The following RORA variants were observed in gnomAD, a reference collection of about 807,000 sequenced individuals.
RORA encodes the protein nuclear receptor ROR-alpha.
Under a neutral mutation model 69.5 loss-of-function variants are expected in RORA, and 7 were observed. That is an observed-to-expected ratio of 0.10 (90% CI 0.06 to 0.19). The LOEUF (loss-of-function observed/expected upper bound fraction) is 0.19. RORA is among the 10% of genes least tolerant of loss of function. The pLI is 1.00. For synonymous variants in RORA, 261 were observed against 240.8 expected, an observed-to-expected ratio of 1.08 and a Z score of -0.78; for missense variants, 457 against 663.0, an observed-to-expected ratio of 0.69 and a Z score of 3.41.
chr15:60,982,422 T>C (rs368992913), intron 1 of RORA, among the ~76,000 whole-genome samples: 11 of 152,250 alleles, frequency 7.2e-5, no homozygotes, highest in African/African-American at 2.2e-4. Flanking sequence ...GCTAGTCTAT[T>C]GTTTCCCCCA....
At chr15:60,723,173 T>C (rs1370397446) in intron 1 of RORA, among the ~76,000 whole-genome samples, 1 of 152,208 alleles carries the variant, frequency 6.6e-6, no homozygotes, top group African/African-American at 2.4e-5. Flanking sequence ...CCAAGAAAGA[T>C]ATTGTCAAAA....
chr15:60,798,349 A>G (rs903239350), intron 1 of RORA, among the ~76,000 whole-genome samples: 1 of 152,108 alleles, frequency 6.6e-6, no homozygotes, highest in Non-Finnish European at 1.5e-5. Context: ...GAAAGTAGCA[A>G]AGCATTCAAA....
chr15:60,508,111 C>T (rs1327522526), intron 5 of RORA, among the ~76,000 whole-genome samples: 4 of 152,114 alleles, frequency 2.6e-5, no homozygotes, highest in African/African-American at 7.2e-5. Flanking sequence ...TCAGCAAAGG[C>T]GAGTATGGTC....
At chr15:61,221,698 C>G (rs1036184228) in intron 1 of RORA, among the ~76,000 whole-genome samples, 1 of 152,164 alleles carries the variant, frequency 6.6e-6, no homozygotes, top group Non-Finnish European at 1.5e-5. Context: ...TTCAGCCAAA[C>G]CCTCCCCCGA....
intron 2 of RORA, among the ~76,000 whole-genome samples, chr15:60,648,985 C>G (rs773088054): frequency 6.6e-6 from 1 of 152,200 alleles, no homozygotes; most frequent in East Asian, 1.9e-4. Flanking sequence ...ATATCCCACT[C>G]CACAGTCAAC....
At chr15:61,018,279 C>T (rs1895374958) in intron 1 of RORA, among the ~76,000 whole-genome samples, 1 of 152,164 alleles carries the variant, frequency 6.6e-6, no homozygotes, top group African/African-American at 2.4e-5. Context: ...GGGGCCTCTC[C>T]TGGGCTCTAG....
At chr15:60,742,128 T>C (rs1353143459) in intron 1 of RORA, among the ~76,000 whole-genome samples, 1 of 152,196 alleles carries the variant, frequency 6.6e-6, no homozygotes, top group African/African-American at 2.4e-5. Context: ...GATAGATATA[T>C]ATGTGTATGT....
chr15:60,530,368 T>A (rs1196812350), intron 3 of RORA: 1 of 152,276 alleles, frequency 6.6e-6, no homozygotes, highest in African/African-American at 2.4e-5. Flanking sequence ...CATAGCTCAC[T>A]GTAACCTTGA....
rs201380077 is a variant in RORA, at chr15:60,511,646, C to G, written c.425-25G>C. ...GCTGGAAGAAAAAAGCCAAACCATA[C>G]TACATACAATGCGCTTTTCTTCAAT... On this transcript the variant is annotated intron_variant, in intron 4 of 10. Coordinates refer to ENST00000335670, the MANE Select transcript of RORA (RefSeq NM_134261.3). The surrounding 1 kb of genome is among the most constrained non-coding windows in gnomAD (Gnocchi z 6.4). 2.3e-5 allele frequency: 37 copies of G among 1,575,768 alleles called. No individual in the cohort carries two copies. The highest frequency in any genetic ancestry group is 1.8e-4 in the East Asian group (8 of 44,506).
At chr15:61,053,864 A>ATATATATATATATATATATATAT (rs2078052193) in intron 1 of RORA, among the ~76,000 whole-genome samples, 2 of 18,852 alleles carry the variant, frequency 1.1e-4, no homozygotes, top group African/African-American at 1.9e-4. Flanking sequence ...TATATATATA[A>ATATATATATATATATATATATAT]ACATTCTTCA....
chr15:61,173,587 T>A (rs2079603395), intron 1 of RORA, among the ~76,000 whole-genome samples: 2 of 152,212 alleles, frequency 1.3e-5, no homozygotes, highest in African/African-American at 4.8e-5. Context: ...AAACACCTAG[T>A]TAAAAATATC....
At chr15:60,498,850 T>A (rs1346675258) in intron 10 of RORA, among the ~76,000 whole-genome samples, 5 of 134,220 alleles carry the variant, frequency 3.7e-5, no homozygotes, top group Non-Finnish European at 3.1e-5. Flanking sequence ...CTAACATAGC[T>A]ATAAAGGAGA....
rs919676443 is a variant in RORA, at chr15:60,750,863, G to T, written c.167-72177C>A. 2.6e-5 allele frequency among the ~76,000 whole-genome samples: 4 copies of T among 152,182 alleles called. No individual in the cohort carries two copies. The East Asian group carries it at 5.8e-4, about 22-fold the overall frequency. On this transcript the variant is annotated intron_variant, in intron 1 of 10. Coordinates refer to ENST00000335670, the MANE Select transcript of RORA (RefSeq NM_134261.3). ...ATGCTTCATAGACAAAGCCACCTAG[G>T]TCCATAAACACAGTCATCTGAGGGG...
At chr15:61,209,218 T>C (rs777124150) in intron 1 of RORA, among the ~76,000 whole-genome samples, 4 of 151,750 alleles carry the variant, frequency 2.6e-5, no homozygotes, top group Non-Finnish European at 5.9e-5. Context: ...GCCACAAAAT[T>C]AAAATGTGAT....
intron 2 of RORA, among the ~76,000 whole-genome samples, chr15:60,617,449 A>T (rs2069274966): frequency 6.6e-6 from 1 of 152,184 alleles, no homozygotes; most frequent in African/African-American, 2.4e-5. Flanking sequence ...GCAACTGCGC[A>T]AAAGGCAGAA....
chr15:60,537,421 A>G lies in RORA; in HGVS notation c.197-5570T>C, dbSNP rs2066714136. ...TACCCAGACAAGCTCCCTTTTTTCA[A>G]ACCCTCCTTCCAGGGGTAGTGCCCC... On this transcript the variant is annotated intron_variant, in intron 2 of 10. Coordinates refer to ENST00000335670, the MANE Select transcript of RORA (RefSeq NM_134261.3). This position sits in a 1 kb window ranked among gnomAD's most constrained non-coding sequence, Gnocchi z 4.9. Among the ~76,000 whole-genome samples the G allele has an allele frequency of 6.6e-6, 1 of 151,802 alleles. No individual in the cohort carries two copies. Among genetic ancestry groups the G allele is most frequent in the African/African-American group, 2.4e-5 (1 of 41,136 alleles).
At chr15:61,196,691 C>A (rs2079848419) in intron 1 of RORA, among the ~76,000 whole-genome samples, 1 of 152,240 alleles carries the variant, frequency 6.6e-6, no homozygotes, top group Non-Finnish European at 1.5e-5. Context: ...ACAAATTGCA[C>A]ATGTGCACAG....
chr15:61,008,211 G>C (rs879582082), intron 1 of RORA, among the ~76,000 whole-genome samples: 327 of 142,374 alleles, frequency 2.3e-3, no homozygotes, highest in Middle Eastern at 7.0e-3. Context: ...CTCTGTGTGT[G>C]TGTGTGTGTG....
chr15:60,937,527 C>T (rs376089589), intron 1 of RORA, among the ~76,000 whole-genome samples: 1 of 152,154 alleles, frequency 6.6e-6, no homozygotes, highest in Admixed American at 6.5e-5. Flanking sequence ...AAAGCCTGCA[C>T]AATTCTGTTT....
Sources: gnomAD v4.1 joint callset for allele counts (sites outside exome capture counted in the v4.1 genomes callset) on GRCh38, gnomAD v4.1.1 for gene constraint, Gnocchi (gnomAD v3.1) non-coding constraint, MANE v1.5 for transcripts, NCBI Gene and HGNC (gene_info 2026-07-23, HGNC 2026-07-21) for gene names.